Variants in FAM171A1 observed in about 807,000 individuals in gnomAD.
FAM171A1 encodes the protein protein FAM171A1.
A neutral mutation model predicts 74.9 loss-of-function variants in FAM171A1; 23 were observed. The observed-to-expected ratio is 0.31, with a 90% CI of 0.22 to 0.44. FAM171A1 has a LOEUF of 0.44. Ranked by LOEUF, FAM171A1 falls within the 20% of genes least tolerant of loss-of-function variation. The pLI, the probability that FAM171A1 is intolerant of heterozygous loss-of-function variation, is 1.00. For synonymous variants in FAM171A1, 527 were observed against 505.7 expected (o/e 1.04, Z -0.57); for missense variants, 1,162 against 1,159.2 (o/e 1.00, Z -0.03).
chr10:15,242,660 G>C (rs138839624), intron 5 of FAM171A1, among the ~76,000 whole-genome samples: 3,240 of 152,290 alleles, frequency 0.021, 45 homozygotes, highest in Admixed American at 0.028. Context: ...GTGTGGTGGT[G>C]TGTGCCTGTC....
intron 1 of FAM171A1, among the ~76,000 whole-genome samples, chr10:15,300,587 A>G (rs1015689480): frequency 1.3e-5 from 2 of 149,402 alleles, no homozygotes; most frequent in Non-Finnish European, 3.0e-5. Flanking sequence ...CTTCTCAGTT[A>G]AGAACCCCCT....
At chr10:15,355,529 C>G (rs1490875499) in intron 1 of FAM171A1, among the ~76,000 whole-genome samples, 2 of 152,040 alleles carry the variant, frequency 1.3e-5, no homozygotes. Flanking sequence ...ACCAGCCTGG[C>G]CAACTTGGTG....
At chr10:15,348,760 G>C (rs1425573998) in intron 1 of FAM171A1, among the ~76,000 whole-genome samples, 1 of 152,186 alleles carries the variant, frequency 6.6e-6, no homozygotes, top group African/African-American at 2.4e-5. Context: ...TCCATGCTTC[G>C]TGACGCAGTT....
chr10:15,262,575 G>C (rs551120359), intron 3 of FAM171A1, among the ~76,000 whole-genome samples: 37 of 152,284 alleles, frequency 2.4e-4, no homozygotes, highest in Non-Finnish European at 4.4e-4. Context: ...CAGCAAGAGG[G>C]ATTTCTAAGG....
chr10:15,344,778 G>T (rs780989701), intron 1 of FAM171A1, among the ~76,000 whole-genome samples: 9 of 152,146 alleles, frequency 5.9e-5, no homozygotes, highest in Non-Finnish European at 7.3e-5. Context: ...TTGTTACTTT[G>T]TCTCAGTGGA....
Position 15,213,237 on chromosome 10 carries a change from G to C in FAM171A1, c.2351C>G (p.Ala784Gly). The C allele has an allele frequency of 6.2e-7, 1 of 1,614,076 alleles. No homozygotes were observed. Among genetic ancestry groups the C allele is most frequent in the Non-Finnish European group, 8.5e-7 (1 of 1,180,022 alleles). Residue 784 changes from alanine to glycine, a missense_variant, in exon 8 of 8, where the codon GCC (alanine) becomes GGC (glycine). Coordinates refer to ENST00000378116, the MANE Select transcript of FAM171A1 (RefSeq NM_001010924.2). The surrounding 1 kb of genome is among the most constrained non-coding windows in gnomAD (Gnocchi z 6.8). ...ATCCAGGTACACGAGCTGCGTGTAGGCCGTGCTGTCTGGGGCTCGAGGCTC... is the reference window on the plus strand; with the variant it reads ...ATCCAGGTACACGAGCTGCGTGTAGCCCGTGCTGTCTGGGGCTCGAGGCTC... ...QKEPRAPDST[A>G]YTQLVYLDDV...
chr10:15,239,687 G>A (rs111276643), intron 5 of FAM171A1, among the ~76,000 whole-genome samples: 44 of 152,132 alleles, frequency 2.9e-4, no homozygotes, highest in African/African-American at 9.4e-4. Flanking sequence ...TACATATTCC[G>A]CTGATTCTTT....
At chr10:15,317,535 C>T (rs1835437352) in intron 1 of FAM171A1, among the ~76,000 whole-genome samples, 1 of 152,158 alleles carries the variant, frequency 6.6e-6, no homozygotes, top group African/African-American at 2.4e-5. Context: ...GCTGGGATTA[C>T]AGGCATGCGC....
Position 15,248,672 on chromosome 10 carries a change from A to T in FAM171A1, c.721T>A (p.Tyr241Asn), listed in dbSNP as rs753395427. The T allele has an allele frequency of 2.5e-6, 4 of 1,611,090 alleles. No homozygotes were observed. The highest frequency in any genetic ancestry group is 3.4e-6 in the Non-Finnish European group (4 of 1,178,698). ...ATQSSLRHNA[Y>N]VAAWRFDQKL... ...TGGTCAAACCGCCACGCCGCGACATAGGCATTGTGCCTCAGGCTGCTCTGC... is the reference window on the plus strand; with the variant it reads ...TGGTCAAACCGCCACGCCGCGACATTGGCATTGTGCCTCAGGCTGCTCTGC... Residue 241 changes from tyrosine (Y) to asparagine (N), a missense_variant, in exon 5 of 8, where the codon TAT becomes AAT. Tyr to Asn is a moderately radical substitution (Grantham distance 143). Transcript: ENST00000378116.
intron 1 of FAM171A1, among the ~76,000 whole-genome samples, chr10:15,344,367 C>T (rs959383472): frequency 6.6e-6 from 1 of 152,150 alleles, no homozygotes; most frequent in East Asian, 1.9e-4. Flanking sequence ...CATAGCAAGA[C>T]TTAGTCTCTA....
chr10:15,299,856 T>G (rs538389515), intron 1 of FAM171A1, among the ~76,000 whole-genome samples: 518 of 152,136 alleles, frequency 3.4e-3, no homozygotes, highest in African/African-American at 0.012. Flanking sequence ...TGGGTGCCTG[T>G]AGTCCCAGCT....
At chr10:15,214,641 T>G in intron 7 of FAM171A1, 40 bp from the exon 8 acceptor site, 1 of 1,506,338 alleles carries the variant, frequency 6.6e-7, no homozygotes, top group Non-Finnish European at 8.8e-7. Flanking sequence ...AGATTAGTGA[T>G]TCTCACAATG....
intron 1 of FAM171A1, among the ~76,000 whole-genome samples, chr10:15,357,847 C>T (rs1009256815): frequency 2.6e-5 from 4 of 152,026 alleles, no homozygotes; most frequent in Admixed American, 6.6e-5. Flanking sequence ...AAATTTTTTC[C>T]GTTTCTTTGT....
intron 5 of FAM171A1, chr10:15,241,470 A>C (rs1834363807): frequency 6.6e-6 from 1 of 152,182 alleles, no homozygotes; most frequent in Non-Finnish European, 1.5e-5. Context: ...TTGTAGTGCA[A>C]AAGCACTCAC....
At chr10:15,346,126 A>G (rs568980757) in intron 1 of FAM171A1, among the ~76,000 whole-genome samples, 1 of 152,264 alleles carries the variant, frequency 6.6e-6, no homozygotes, top group South Asian at 2.1e-4. Flanking sequence ...GTTTAGAGAC[A>G]GGGTTGTCTT....
chr10:15,347,834 CAAAAAAAAAA>C lies in FAM171A1; in HGVS notation c.97+23112_97+23121del, dbSNP rs71390034. Among the ~76,000 whole-genome samples, 136 of 94,246 alleles carry C rather than the reference CAAAAAAAAAA, an allele frequency of 1.4e-3. 1 individual carries two copies. Among genetic ancestry groups the C allele is most frequent in the African/African-American group, 5.1e-3 (114 of 22,252 alleles). The allele number at this position is 94,246 out of a possible 152,430, so 61.8% of individuals were successfully genotyped here. ...TGGGCAACAGAGCGAGACTCCATCT[CAAAAAAAAAA>C]AAAAAAAAAAAAAAAATTAAGAAAA... is the stretch of plus-strand genomic sequence containing the variant. On this transcript the variant is annotated intron_variant, in intron 1 of 7. Transcript: ENST00000378116.
At chr10:15,306,121 T>C (rs1001125993) in intron 1 of FAM171A1, among the ~76,000 whole-genome samples, 2 of 152,372 alleles carry the variant, frequency 1.3e-5, no homozygotes, top group East Asian at 1.9e-4. Flanking sequence ...CTCGACCGTA[T>C]GTTTCTTGCT....
intron 1 of FAM171A1, among the ~76,000 whole-genome samples, chr10:15,362,745 A>G (rs930834349): frequency 2.6e-5 from 4 of 152,082 alleles, no homozygotes; most frequent in Non-Finnish European, 5.9e-5. Flanking sequence ...CAAAAACAAA[A>G]CATTACCAAC....
At chr10:15,342,081 G>C (rs1157142534) in intron 1 of FAM171A1, among the ~76,000 whole-genome samples, 1 of 152,194 alleles carries the variant, frequency 6.6e-6, no homozygotes, top group African/African-American at 2.4e-5. Flanking sequence ...GGATGCAGAA[G>C]GTCTTTATGC....
Sources: allele counts gnomAD v4.1 joint callset (sites outside exome capture counted in the v4.1 genomes callset), GRCh38; gene constraint gnomAD v4.1.1; non-coding constraint Gnocchi (gnomAD v3.1); transcripts MANE v1.5; gene names NCBI Gene and HGNC (gene_info 2026-07-23, HGNC 2026-07-21).